Variants in FILIP1L observed in about 807,000 individuals in gnomAD.
FILIP1L encodes filamin A interacting protein 1 like, also known as filamin A-interacting protein 1-like.
Under a neutral mutation model 96.6 loss-of-function variants are expected in FILIP1L, and 55 were observed. The observed-to-expected ratio is 0.57, with a 90% CI of 0.46 to 0.71. The LOEUF (loss-of-function observed/expected upper bound fraction) is 0.71, where lower values mean the gene tolerates loss of function less well. Among genes scored for constraint, FILIP1L ranks in the 30% least tolerant of loss-of-function variants. The pLI is 0.00. For missense variants in FILIP1L, 1,304 were observed against 1,321.2 expected (o/e 0.99, Z 0.20); for synonymous variants, 467 against 473.9 (o/e 0.99, Z 0.19).
chr3:99,870,403 T>C (rs1005320826), intron 4 of FILIP1L, among the ~76,000 whole-genome samples: 1 of 152,210 alleles, frequency 6.6e-6, no homozygotes, highest in African/African-American at 2.4e-5. Context: ...CCCACATTGT[T>C]TATCTTTACT....
intron 4 of FILIP1L, among the ~76,000 whole-genome samples, chr3:99,911,506 G>A (rs999762107): frequency 1.3e-5 from 2 of 151,964 alleles, no homozygotes; most frequent in African/African-American, 4.8e-5. Flanking sequence ...GGATAAAGGG[G>A]AAATCCAAGG....
intron 1 of FILIP1L, among the ~76,000 whole-genome samples, chr3:100,001,710 G>A (rs747130670): frequency 2.0e-5 from 3 of 152,168 alleles, no homozygotes; most frequent in Non-Finnish European, 4.4e-5. Context: ...ACACATTGCA[G>A]ATGTGGCCAA....
At chr3:99,984,983 G>A (rs904510351) in intron 1 of FILIP1L, among the ~76,000 whole-genome samples, 1 of 152,190 alleles carries the variant, frequency 6.6e-6, no homozygotes, top group Non-Finnish European at 1.5e-5. Context: ...GTGGAAATGA[G>A]ATAACTCGTG....
intron 5 of FILIP1L, among the ~76,000 whole-genome samples, chr3:99,847,319 T>C (rs1339066046): frequency 6.7e-6 from 1 of 150,324 alleles, no homozygotes; most frequent in Non-Finnish European, 1.5e-5. Context: ...GGGAACCCCA[T>C]AGGAAAAAGA....
At chr3:99,944,210 CCTAA>C (rs958000173) in intron 1 of FILIP1L, among the ~76,000 whole-genome samples, 2 of 152,074 alleles carry the variant, frequency 1.3e-5, no homozygotes, top group East Asian at 1.9e-4. Flanking sequence ...TTATTTTGTG[CCTAA>C]CTGAGATGGA....
chr3:99,914,753 T>C (rs1427089143), intron 4 of FILIP1L, among the ~76,000 whole-genome samples: 1 of 152,238 alleles, frequency 6.6e-6, no homozygotes, highest in African/African-American at 2.4e-5. Flanking sequence ...TAAAAATTCA[T>C]TGGAATGTGA....
chr3:99,870,615 G>A (rs1167793251), intron 4 of FILIP1L, among the ~76,000 whole-genome samples: 2 of 152,158 alleles, frequency 1.3e-5, no homozygotes, highest in African/African-American at 4.8e-5. Context: ...CTTAGTTGCT[G>A]GGCCTGTTTT....
intron 1 of FILIP1L, among the ~76,000 whole-genome samples, chr3:99,984,196 ATTGT>A (rs916472566): frequency 4.7e-4 from 71 of 152,238 alleles, no homozygotes; most frequent in East Asian, 2.5e-3. Flanking sequence ...TTGGAATGTG[ATTGT>A]TTGAGAGCCA....
intron 1 of FILIP1L, among the ~76,000 whole-genome samples, chr3:99,960,525 T>G (rs1708459636): frequency 6.6e-6 from 1 of 152,170 alleles, no homozygotes. Context: ...CAGCGTGAAG[T>G]GAAATAATCT....
At chr3:99,893,742 A>G (rs1314702441) in intron 4 of FILIP1L, among the ~76,000 whole-genome samples, 4 of 152,208 alleles carry the variant, frequency 2.6e-5, no homozygotes, top group African/African-American at 9.7e-5. Context: ...TTTTTCTGTG[A>G]TGAGCAGAAA....
Position 100,025,807 on chromosome 3 carries a change from G to A in FILIP1L, c.-11+88246C>T, listed in dbSNP as rs114416525. ...GAGTTTGAGAAGCTCTGCTGTAGTC[G>A]ACCTCCATTTTTTGTTGGTAAGCCC... On this transcript the variant is annotated intron_variant, in intron 1 of 5. Transcript: ENST00000477258. Among the ~76,000 whole-genome samples, 1,089 of 152,156 alleles carry A rather than the reference G, an allele frequency of 7.2e-3. 10 individuals are homozygous for A. Among genetic ancestry groups the A allele is most frequent in the Non-Finnish European group, 0.012 (824 of 68,004 alleles).
chr3:100,002,185 T>C (rs1235369899), intron 1 of FILIP1L, among the ~76,000 whole-genome samples: 1 of 152,230 alleles, frequency 6.6e-6, no homozygotes, highest in Non-Finnish European at 1.5e-5. Flanking sequence ...GCTGATGGTG[T>C]TGTACTTAAA....
At chr3:100,073,718 G>A (rs754926120) in intron 1 of FILIP1L, among the ~76,000 whole-genome samples, 7 of 152,090 alleles carry the variant, frequency 4.6e-5, no homozygotes, top group Non-Finnish European at 1.0e-4. Flanking sequence ...CATGACAGCC[G>A]GTGTTCACTC....
At chr3:100,050,634 C>T (rs1047866886) in intron 1 of FILIP1L, among the ~76,000 whole-genome samples, 2 of 152,106 alleles carry the variant, frequency 1.3e-5, no homozygotes, top group African/African-American at 4.8e-5. Flanking sequence ...CAGGTTCAAG[C>T]GATTCTCCTG....
At chr3:99,865,866 G>A (rs970779631) in intron 4 of FILIP1L, among the ~76,000 whole-genome samples, 5 of 151,594 alleles carry the variant, frequency 3.3e-5, no homozygotes, top group African/African-American at 1.2e-4. Flanking sequence ...TGATCCTTTT[G>A]TATTTTAGCA....
At chr3:100,074,844 C>T (rs1247163736) in intron 1 of FILIP1L, among the ~76,000 whole-genome samples, 1 of 151,452 alleles carries the variant, frequency 6.6e-6, no homozygotes, top group Non-Finnish European at 1.5e-5. Flanking sequence ...CAGGTGCGCA[C>T]CACCACTCCT....
intron 1 of FILIP1L, among the ~76,000 whole-genome samples, chr3:100,026,755 C>A (rs1018069020): frequency 2.0e-5 from 3 of 152,144 alleles, no homozygotes; most frequent in African/African-American, 7.2e-5. Context: ...CAAACCACCA[C>A]CGTCTCTCTC....
At chr3:99,892,489 A>AG (rs1426436454) in intron 4 of FILIP1L, among the ~76,000 whole-genome samples, 1 of 152,184 alleles carries the variant, frequency 6.6e-6, no homozygotes. Context: ...CAAAAAATCC[A>AG]GCCTTGTGGC....
chr3:99,878,776 C>A (rs534373168), intron 4 of FILIP1L, among the ~76,000 whole-genome samples: 10 of 152,308 alleles, frequency 6.6e-5, no homozygotes, highest in African/African-American at 1.9e-4. Context: ...TTAACTGATA[C>A]AAGAGTACCC....
Sources: gnomAD v4.1 joint callset for allele counts (sites outside exome capture counted in the v4.1 genomes callset) on GRCh38, gnomAD v4.1.1 for gene constraint, MANE v1.5 for transcripts, NCBI Gene and HGNC (gene_info 2026-07-23, HGNC 2026-07-21) for gene names.